The following HNMT variants were observed in gnomAD, a reference collection of about 807,000 sequenced individuals.
HNMT encodes histamine N-methyltransferase.
A neutral mutation model predicts 32.1 loss-of-function variants in HNMT; 30 were observed. The ratio of observed to expected loss-of-function variants is 0.93; its 90% CI spans 0.70 to 1.27. HNMT has a LOEUF of 1.27. Among genes scored for constraint, HNMT ranks in the 50% most tolerant of loss-of-function variants. The probability of loss-of-function intolerance (pLI) is 0.00; values close to 1 mark genes in which losing one functional copy is unlikely to be tolerated. For missense variants in HNMT, 327 were observed against 346.0 expected (o/e 0.95, Z 0.43); for synonymous variants, 125 against 119.0 (o/e 1.05, Z -0.33).
intron 1 of HNMT, among the ~76,000 whole-genome samples, chr2:137,969,608 T>C (rs573707242): frequency 6.6e-6 from 1 of 152,302 alleles, no homozygotes; most frequent in East Asian, 1.9e-4. Flanking sequence ...TTTCCCAATC[T>C]GTCCACTCCA....
At chr2:137,964,995 C>T (rs2104916059) in intron 1 of HNMT, among the ~76,000 whole-genome samples, 1 of 152,304 alleles carries the variant, frequency 6.6e-6, no homozygotes, top group African/African-American at 2.4e-5. Flanking sequence ...CAAAGGGAGT[C>T]TGGTATGCTT....
At position 138,013,974 on chromosome 2, in the gene HNMT, G is replaced by T; in HGVS notation, c.723G>T (p.Trp241Cys). The change falls in exon 6 of 6, where the codon TGG becomes TGT. Residue 241 changes from tryptophan to cysteine, a missense_variant. Physicochemically the swap from Trp to Cys is radical, Grantham distance 215. Transcript: ENST00000280097. ...IDGNENGDLL[W>C]DFLTETCNFN... ...GTAATGAAAATGGAGACCTGCTTTGGGATTTTTTGACTGAAACCTGCAACT... is the reference window on the plus strand; with the variant it reads ...GTAATGAAAATGGAGACCTGCTTTGTGATTTTTTGACTGAAACCTGCAACT... 1 of 1,613,592 alleles carries T rather than the reference G, an allele frequency of 6.2e-7. No individual in the cohort carries two copies. The highest frequency in any genetic ancestry group is 1.1e-5 in the South Asian group (1 of 91,056).
chr2:138,015,996 C>T lies in HNMT; in HGVS notation c.*1866C>T, dbSNP rs1349409693. 1 of 151,976 alleles carries T rather than the reference C, an allele frequency of 6.6e-6. No homozygotes were observed. Among genetic ancestry groups the T allele is most frequent in the Non-Finnish European group, 1.5e-5 (1 of 67,954 alleles). 9.4% of individuals were successfully genotyped at this position (151,976 alleles called of 1,614,324 possible). A position where few individuals can be genotyped will look rare whatever the true frequency, so the allele number is the denominator to read the frequency against. On this transcript the variant is annotated 3_prime_UTR_variant, in exon 6 of 6. Transcript: ENST00000280097. ...ATAAGCCTTTTTAAAGAGAGAAATT[C>T]CCATGAAAACCTACTAGTCAGCAAT... is the stretch of plus-strand genomic sequence containing the variant.
At chr2:137,979,203 T>G (rs1012158056) in intron 2 of HNMT, among the ~76,000 whole-genome samples, 3 of 149,046 alleles carry the variant, frequency 2.0e-5, no homozygotes, top group African/African-American at 7.3e-5. Context: ...TATCCATATA[T>G]ATTTCCATAT....
chr2:138,000,163 G>T (rs1412166387), intron 2 of HNMT, among the ~76,000 whole-genome samples: 2 of 152,054 alleles, frequency 1.3e-5, no homozygotes, highest in Non-Finnish European at 2.9e-5. Context: ...TTCTGTGTGT[G>T]CATCTGTCAT....
intron 2 of HNMT, among the ~76,000 whole-genome samples, chr2:137,984,091 C>T (rs928112838): frequency 6.6e-6 from 1 of 152,138 alleles, no homozygotes; most frequent in African/African-American, 2.4e-5. Flanking sequence ...GAGTGTTGTG[C>T]ATCCACCACA....
At chr2:138,010,154 G>T (rs1036021729) in intron 5 of HNMT, among the ~76,000 whole-genome samples, 4 of 151,930 alleles carry the variant, frequency 2.6e-5, no homozygotes, top group Admixed American at 6.6e-5. Context: ...GAGTACTCAT[G>T]GTATATAGGG....
chr2:137,970,240 G>C (rs769371662), intron 2 of HNMT, 23 bp downstream of exon 2: 4 of 1,349,398 alleles, frequency 3.0e-6, no homozygotes, highest in Non-Finnish European at 4.1e-6. Context: ...TATTTTTAAA[G>C]TTCATATTTC....
chr2:138,012,043 A>AT (rs1313860371), intron 5 of HNMT, among the ~76,000 whole-genome samples: 1 of 152,056 alleles, frequency 6.6e-6, no homozygotes, highest in Admixed American at 6.6e-5. Flanking sequence ...ATAGAAACTC[A>AT]TTATTATTAT....
Position 137,970,201 on chromosome 2 carries a change from C to A in HNMT, c.174C>A (p.Ser58Arg). The A allele has an allele frequency of 6.4e-7, 1 of 1,574,724 alleles. No individual in the cohort carries two copies. Among genetic ancestry groups the A allele is most frequent in the Non-Finnish European group, 8.7e-7 (1 of 1,150,408 alleles). Reference sequence around the variant, plus strand: ...CAAAATCAGAAATTAAGATTCTAAGCATAGGCGGAGGTGCAGGTATGAGTA... The same window carrying A: ...CAAAATCAGAAATTAAGATTCTAAGAATAGGCGGAGGTGCAGGTATGAGTA... ...GDTKSEIKILSIGGGAGEIDL... is the reference protein window; with the variant it reads ...GDTKSEIKILRIGGGAGEIDL... The change falls in exon 2 of 6, where the codon AGC (serine) becomes AGA (arginine). Residue 58 changes from serine (S) to arginine (R), a missense_variant. Coordinates refer to ENST00000280097, the MANE Select transcript of HNMT (RefSeq NM_006895.3).
At chr2:137,973,164 G>T (rs908969521) in intron 2 of HNMT, among the ~76,000 whole-genome samples, 1 of 152,086 alleles carries the variant, frequency 6.6e-6, no homozygotes, top group East Asian at 1.9e-4. Context: ...ACCCAACTAA[G>T]TTATATGAAA....
intron 2 of HNMT, among the ~76,000 whole-genome samples, chr2:137,977,525 TTAACAA>T (rs1680323141): frequency 6.6e-6 from 1 of 152,110 alleles, no homozygotes; most frequent in South Asian, 2.1e-4. Flanking sequence ...TTGATCTCTA[TTAACAA>T]TAACAATCTG....
At chr2:137,999,918 TAA>T (rs5834599) in intron 2 of HNMT, among the ~76,000 whole-genome samples, 1,694 of 148,174 alleles carry the variant, frequency 0.011, 32 homozygotes, top group African/African-American at 0.037. Context: ...ATTTTTCTAA[TAA>T]AAAAAAAAAA....
intron 4 of HNMT, among the ~76,000 whole-genome samples, chr2:138,004,568 C>T (rs571514145): frequency 4.3e-4 from 66 of 152,120 alleles, no homozygotes; most frequent in Admixed American, 1.8e-3. Context: ...GGTGTCCTGA[C>T]CCCTAAACAC....
intron 2 of HNMT, 70 bp downstream of exon 2, chr2:137,970,287 C>T: frequency 1.2e-6 from 1 of 864,574 alleles, no homozygotes; most frequent in Non-Finnish European, 1.8e-6. Context: ...CAATATTGTT[C>T]ATTTTTTAGG....
At chr2:137,983,709 T>C (rs538812178) in intron 2 of HNMT, among the ~76,000 whole-genome samples, 26 of 152,252 alleles carry the variant, frequency 1.7e-4, no homozygotes, top group African/African-American at 5.5e-4. Flanking sequence ...TATTTTAGGC[T>C]TCCAAGGGAG....
At chr2:137,972,939 A>C (rs191549898) in intron 2 of HNMT, among the ~76,000 whole-genome samples, 1 of 152,236 alleles carries the variant, frequency 6.6e-6, no homozygotes, top group Non-Finnish European at 1.5e-5. Flanking sequence ...GAGTCCTTAC[A>C]TAAAGGTGCA....
intron 2 of HNMT, among the ~76,000 whole-genome samples, chr2:137,996,036 T>C (rs530637990): frequency 6.6e-6 from 1 of 152,310 alleles, no homozygotes; most frequent in Admixed American, 6.5e-5. Context: ...ATGAAAGCTA[T>C]GTATGACAAA....
At chr2:138,011,459 A>G (rs558027391) in intron 5 of HNMT, among the ~76,000 whole-genome samples, 1 of 152,250 alleles carries the variant, frequency 6.6e-6, no homozygotes, top group South Asian at 2.1e-4. Flanking sequence ...CTTCTGAAAT[A>G]TAAGTAGAAC....
Sources: allele counts gnomAD v4.1 joint callset (sites outside exome capture counted in the v4.1 genomes callset), GRCh38; gene constraint gnomAD v4.1.1; transcripts MANE v1.5; gene names NCBI Gene and HGNC (gene_info 2026-07-23, HGNC 2026-07-21).